The following CACNA2D1 variants were observed in gnomAD, a reference collection of about 807,000 sequenced individuals.
The protein encoded by CACNA2D1 is calcium voltage-gated channel auxiliary subunit alpha2delta 1.
In CACNA2D1, 53 loss-of-function variants were observed where a neutral mutation model predicts 171.5. That is an observed-to-expected ratio of 0.31 (90% CI 0.25 to 0.39). The LOEUF (loss-of-function observed/expected upper bound fraction) is 0.39, where lower values mean the gene tolerates loss of function less well. Ranked by LOEUF, CACNA2D1 falls within the 10% of genes least tolerant of loss-of-function variation. CACNA2D1 has a pLI of 1.00. For missense variants in CACNA2D1, 903 were observed against 1,299.8 expected (o/e 0.69, Z 4.69); for synonymous variants, 442 against 443.1 (o/e 1.00, Z 0.03).
chr7:82,300,772 A>G (rs1183282533), intron 3 of CACNA2D1, among the ~76,000 whole-genome samples: 1 of 151,956 alleles, frequency 6.6e-6, no homozygotes, highest in Non-Finnish European at 1.5e-5. Flanking sequence ...ATAAAAATAA[A>G]TAATGTAAAA....
intron 3 of CACNA2D1, among the ~76,000 whole-genome samples, chr7:82,280,559 T>C (rs933426259): frequency 6.6e-6 from 1 of 152,200 alleles, no homozygotes; most frequent in African/African-American, 2.4e-5. Flanking sequence ...TTACATGAAA[T>C]TTACATTTTT....
chr7:81,955,230 C>A (rs1455242919), intron 38 of CACNA2D1, among the ~76,000 whole-genome samples: 1 of 151,914 alleles, frequency 6.6e-6, no homozygotes, highest in Non-Finnish European at 1.5e-5. Context: ...GTATAAGGGC[C>A]CCTTGGTAGG....
In CACNA2D1 at chr7:82,123,629, C is replaced by T. The variant is rs191451135; in HGVS notation, c.397-6456G>A. 1.2e-4 allele frequency among the ~76,000 whole-genome samples: 19 copies of T among 152,316 alleles called. No individual in the cohort carries two copies. In the East Asian group the frequency reaches 3.1e-3, roughly 25 times the overall value. ...GCCCAGGCAGCACAGCATGGTGACA[C>T]AGTGTTCCAGCTCTGGATCATACAG... On this transcript the variant is annotated intron_variant, in intron 5 of 38. Transcript: ENST00000356860.
chr7:82,366,491 C>G (rs1366998732), intron 1 of CACNA2D1, among the ~76,000 whole-genome samples: 1 of 152,140 alleles, frequency 6.6e-6, no homozygotes, highest in Non-Finnish European at 1.5e-5. Flanking sequence ...GACTTCTGTT[C>G]CTGCATTAAT....
At chr7:82,249,628 C>T (rs1438456111) in intron 3 of CACNA2D1, among the ~76,000 whole-genome samples, 1 of 152,208 alleles carries the variant, frequency 6.6e-6, no homozygotes. Context: ...TCATCCTTTT[C>T]ATCCGTCCAG....
intron 1 of CACNA2D1, among the ~76,000 whole-genome samples, chr7:82,384,960 T>C (rs900997176): frequency 1.3e-5 from 2 of 152,248 alleles, no homozygotes; most frequent in Non-Finnish European, 2.9e-5. Flanking sequence ...CATTAATGTA[T>C]TGCAATGCTC....
At chr7:82,138,795 A>C (rs931989984) in intron 4 of CACNA2D1, among the ~76,000 whole-genome samples, 3 of 152,124 alleles carry the variant, frequency 2.0e-5, no homozygotes, top group African/African-American at 4.8e-5. Context: ...TGTGCAAAGC[A>C]AGACAATCTT....
chr7:82,397,355 C>CTTGGTATA (rs1319726276), intron 1 of CACNA2D1, among the ~76,000 whole-genome samples: 2 of 152,020 alleles, frequency 1.3e-5, no homozygotes, highest in Non-Finnish European at 2.9e-5. Flanking sequence ...TATACCTATA[C>CTTGGTATA]TTGGTATATT....
chr7:82,060,280 C>T lies in CACNA2D1; in HGVS notation c.879+148G>A, dbSNP rs186349324. 575 of 269,888 alleles carry T rather than the reference C, an allele frequency of 2.1e-3. 9 individuals carry two copies. The highest frequency in any genetic ancestry group is 0.014 in the African/African-American group (523 of 38,070). The allele number at this position is 269,888 out of a possible 1,614,324, so 16.7% of individuals were successfully genotyped here. A position where few individuals can be genotyped will look rare whatever the true frequency, so the allele number is the denominator to read the frequency against. On this transcript the variant is annotated intron_variant, in intron 10 of 38. Coordinates refer to ENST00000356860, the MANE Select transcript of CACNA2D1 (RefSeq NM_000722.4). ...AAAAAAGAATTATAAGAAGATCAGTCGCTAAAATAGGACAGGTCAGTAAGA... is the reference window on the plus strand; with the variant it reads ...AAAAAAGAATTATAAGAAGATCAGTTGCTAAAATAGGACAGGTCAGTAAGA...
chr7:82,178,517 C>T (rs2057893), intron 3 of CACNA2D1, among the ~76,000 whole-genome samples: 151,466 of 152,208 alleles, frequency 1, 75,363 homozygotes, highest in East Asian at 1. Context: ...CACCTGGACC[C>T]CATGAAAACC....
At chr7:82,103,518 T>C (rs1318582617) in intron 6 of CACNA2D1, among the ~76,000 whole-genome samples, 1 of 152,182 alleles carries the variant, frequency 6.6e-6, no homozygotes, top group Non-Finnish European at 1.5e-5. Context: ...ATTCTTAATG[T>C]CGAGTTTTAC....
chr7:82,064,478 T>G (rs1807357452), intron 8 of CACNA2D1, 124 bp from the exon 9 acceptor site: 2 of 633,460 alleles, frequency 3.2e-6, no homozygotes, highest in Admixed American at 4.6e-5. Context: ...CACTTCTATC[T>G]AAGTAGACAA....
chr7:82,329,563 A>C (rs1245679933), intron 3 of CACNA2D1, among the ~76,000 whole-genome samples: 1 of 152,104 alleles, frequency 6.6e-6, no homozygotes, highest in African/African-American at 2.4e-5. Context: ...GCTTTGTTGA[A>C]AAGCTTTCTC....
At chr7:82,214,522 C>T (rs1380261241) in intron 3 of CACNA2D1, among the ~76,000 whole-genome samples, 3 of 151,786 alleles carry the variant, frequency 2.0e-5, no homozygotes, top group African/African-American at 7.3e-5. Context: ...GACCTCAATC[C>T]TCAAAGAAGG....
intron 1 of CACNA2D1, among the ~76,000 whole-genome samples, chr7:82,411,302 C>T (rs1410414582): frequency 2.0e-5 from 3 of 152,210 alleles, no homozygotes; most frequent in Non-Finnish European, 4.4e-5. Context: ...CCCTGCCCCA[C>T]TATTACTGTC....
chr7:82,149,983 T>A (rs1793629573), intron 4 of CACNA2D1, among the ~76,000 whole-genome samples: 1 of 151,418 alleles, frequency 6.6e-6, no homozygotes, highest in South Asian at 2.1e-4. Context: ...CATGTGCGTG[T>A]GTGTGTGTGC....
At chr7:82,397,584 A>T (rs1364961639) in intron 1 of CACNA2D1, among the ~76,000 whole-genome samples, 1 of 152,230 alleles carries the variant, frequency 6.6e-6, no homozygotes, top group Non-Finnish European at 1.5e-5. Context: ...TACAAAGGCA[A>T]ATCAGTGATT....
chr7:82,050,902 C>G (rs1355007246), intron 10 of CACNA2D1: 1 of 380,524 alleles, frequency 2.6e-6, no homozygotes, highest in African/African-American at 2.1e-5. Context: ...TGTGTAAGGT[C>G]ATAAAACTAG....
chr7:81,971,647 G>C (rs1433229069), intron 26 of CACNA2D1, 130 bp downstream of exon 26: 1 of 659,408 alleles, frequency 1.5e-6, no homozygotes, highest in African/African-American at 1.8e-5. Context: ...CAACTGTATA[G>C]TGATTTTCTT....
Sources: gnomAD v4.1 joint callset for allele counts (sites outside exome capture counted in the v4.1 genomes callset) on GRCh38, gnomAD v4.1.1 for gene constraint, MANE v1.5 for transcripts, NCBI Gene and HGNC (gene_info 2026-07-23, HGNC 2026-07-21) for gene names.